Variants in MFSD1 observed in about 807,000 individuals in gnomAD.
MFSD1 encodes the protein major facilitator superfamily domain containing 1.
In MFSD1, 59 loss-of-function variants were observed where a neutral mutation model predicts 67.1. That is an observed-to-expected ratio of 0.88 (90% confidence interval 0.71 to 1.09). MFSD1 has a LOEUF of 1.09. Ranked by LOEUF, MFSD1 falls within the 50% of genes least tolerant of loss-of-function variation. MFSD1 has a pLI of 0.00. For missense variants in MFSD1, 552 were observed against 566.1 expected, an observed-to-expected ratio of 0.97 and a Z score of 0.25; for synonymous variants, 213 against 200.3, an observed-to-expected ratio of 1.06 and a Z score of -0.54.
intron 6 of MFSD1, among the ~76,000 whole-genome samples, chr3:158,813,056 T>C (rs1730117260): frequency 6.6e-6 from 1 of 152,090 alleles, no homozygotes; most frequent in Non-Finnish European, 1.5e-5. Context: ...TTTATTTCTT[T>C]CTTATTTTTT....
chr3:158,819,678 T>C lies in MFSD1; in HGVS notation c.682T>C (p.Cys228Arg). 2 of 1,603,662 alleles carry C rather than the reference T, an allele frequency of 1.2e-6. No individual in the cohort carries two copies. Among genetic ancestry groups the C allele is most frequent in the African/African-American group, 2.7e-5 (2 of 74,580 alleles). ...TATAACGTGTATTCTTTCACTAATC[T>C]GTGCCTTGGCTCTTGCCTACTTGGA... is the stretch of plus-strand genomic sequence containing the variant. Reference protein sequence around the residue: ...GGITCILSLICALALAYLDQR... With the variant: ...GGITCILSLIRALALAYLDQR... Residue 228 changes from cysteine (C) to arginine (R), a missense_variant, in exon 8 of 16, where the codon TGT becomes CGT. Coordinates refer to ENST00000415822, the MANE Select transcript of MFSD1 (RefSeq NM_022736.4).
At position 158,802,289 on chromosome 3, in the gene MFSD1, T is replaced by G. The variant is rs768078065; in HGVS notation, c.137T>G (p.Leu46Arg). 6.2e-7 allele frequency: 1 copy of G among 1,610,572 alleles called. No homozygotes were observed. The highest frequency in any genetic ancestry group is 1.7e-5 in the Admixed American group (1 of 59,614). The change falls in exon 1 of 16, where the codon CTG becomes CGG. Residue 46 changes from leucine (L) to arginine (R), a missense_variant. Leu to Arg is a moderately radical substitution (Grantham distance 102). Coordinates refer to ENST00000415822, the MANE Select transcript of MFSD1 (RefSeq NM_022736.4). ...CGCCTGGCGCACCGGCTTTTGGTGC[T>G]GTTACTGATGTGCTTCCTTGGCTTT... ...PSRLAHRLLV[L>R]LLMCFLGFGS...
chr3:158,817,655 A>G (rs892838504), intron 7 of MFSD1, among the ~76,000 whole-genome samples: 6 of 152,190 alleles, frequency 3.9e-5, no homozygotes, highest in Admixed American at 6.5e-5. Flanking sequence ...AATCAATATC[A>G]TGAAAATGGC....
chr3:158,828,002 G>A (rs559567906), intron 15 of MFSD1, among the ~76,000 whole-genome samples: 1 of 139,094 alleles, frequency 7.2e-6, no homozygotes, highest in African/African-American at 2.7e-5. Flanking sequence ...TATATTACTT[G>A]TAATTTATTG....
At position 158,823,450 on chromosome 3, in the gene MFSD1, C is replaced by T. The variant is rs1399534997; in HGVS notation, c.1100C>T (p.Ser367Leu). 1.2e-6 allele frequency: 2 copies of T among 1,613,530 alleles called. No homozygotes were observed. Among genetic ancestry groups the T allele is most frequent in the East Asian group, 4.5e-5 (2 of 44,878 alleles). Residue 367 changes from serine (S) to leucine (L), a missense_variant, in exon 12 of 16, where the codon TCA becomes TTA. By Grantham distance (145) the Ser-to-Leu change is moderately radical. Transcript: ENST00000415822. ...TAGTGTCTTCTGGGACTCTCCTACT[C>T]ATTGCTTGCCTGTGCATTGTGGCCA... ...IAMCLLGLSY[S>L]LLACALWPMV...
At position 158,802,783 on chromosome 3, in the gene MFSD1, C is replaced by T. The variant is rs191564066; in HGVS notation, c.163+468C>T. 2.0e-5 allele frequency among the ~76,000 whole-genome samples: 3 copies of T among 152,268 alleles called. No individual in the cohort carries two copies. In the East Asian group the frequency reaches 5.8e-4, roughly 29 times the overall value. Reference sequence around the variant, plus strand: ...TGTTGTGAAAGTGGCTTACTGCAGCCTCCACCTCCTGGGTTCAAGCAATCC... The same window carrying T: ...TGTTGTGAAAGTGGCTTACTGCAGCTTCCACCTCCTGGGTTCAAGCAATCC... On this transcript the variant is annotated intron_variant, in intron 1 of 15. Coordinates refer to ENST00000415822, the MANE Select transcript of MFSD1 (RefSeq NM_022736.4).
intron 6 of MFSD1, among the ~76,000 whole-genome samples, chr3:158,811,164 G>A (rs1374871602): frequency 2.0e-5 from 3 of 152,186 alleles, no homozygotes; most frequent in African/African-American, 7.2e-5. Context: ...AAAATATGTA[G>A]AGTGTGGGGG....
chr3:158,824,577 G>T lies in MFSD1; in HGVS notation c.1288+341G>T, dbSNP rs532858910. 2.4e-5 allele frequency: 4 copies of T among 167,826 alleles called. No homozygotes were observed. In the Admixed American group the frequency reaches 2.5e-4, roughly 10 times the overall value. The allele number at this position is 167,826 out of a possible 1,614,324, so 10.4% of individuals were successfully genotyped here. On this transcript the variant is annotated intron_variant, in intron 13 of 15. Coordinates refer to ENST00000415822, the MANE Select transcript of MFSD1 (RefSeq NM_022736.4). ...TGTGATTTAGGTGTGAGTACTCATGGTTATTCATTAGGCAGTTTTAACTGA... is the reference window on the plus strand; with the variant it reads ...TGTGATTTAGGTGTGAGTACTCATGTTTATTCATTAGGCAGTTTTAACTGA...
chr3:158,818,398 A>G (rs1730489585), intron 7 of MFSD1, among the ~76,000 whole-genome samples: 1 of 152,032 alleles, frequency 6.6e-6, no homozygotes, highest in East Asian at 1.9e-4. Flanking sequence ...TTTAATGTAT[A>G]ATCCCTTACT....
chr3:158,815,138 A>G (rs979859129), intron 7 of MFSD1, among the ~76,000 whole-genome samples: 1 of 152,216 alleles, frequency 6.6e-6, no homozygotes, highest in Non-Finnish European at 1.5e-5. Flanking sequence ...CGTCCATAGC[A>G]TAAGGGAGAA....
rs1199155912 is a variant in MFSD1 at position 158,829,660 on chromosome 3, C to T, written c.*678C>T. ...TTATAGTCTAATAAGTAAAAAGTGTCCTTCAAATTATGATAATTGCCTATG... is the reference window on the plus strand; with the variant it reads ...TTATAGTCTAATAAGTAAAAAGTGTTCTTCAAATTATGATAATTGCCTATG... On this transcript the variant is annotated 3_prime_UTR_variant, in exon 16 of 16. Coordinates refer to ENST00000415822, the MANE Select transcript of MFSD1 (RefSeq NM_022736.4). The T allele has an allele frequency of 2.0e-5, 3 of 152,160 alleles. No individual in the cohort carries two copies. The highest frequency in any genetic ancestry group is 7.2e-5 in the African/African-American group (3 of 41,436). 9.4% of individuals were successfully genotyped at this position (152,160 alleles called of 1,614,324 possible). A position where few individuals can be genotyped will look rare whatever the true frequency, so the allele number is the denominator to read the frequency against.
rs1458290218 is a variant in MFSD1, at chr3:158,822,085, C to T, written c.1022C>T (p.Thr341Ile). 8.7e-6 allele frequency: 14 copies of T among 1,613,866 alleles called. No homozygotes were observed. The African/African-American group carries it at 1.3e-4, about 15-fold the overall frequency. Reference sequence around the variant, plus strand: ...TGGGTTCTTTGCGCAGTAGCAGCCACTCTTGTGTCCCACATGATGCTGGCC... The same window carrying T: ...TGGGTTCTTTGCGCAGTAGCAGCCATTCTTGTGTCCCACATGATGCTGGCC... ...IIWVLCAVAA[T>I]LVSHMMLAFT... is the part of the protein sequence containing the mutation. The change falls in exon 11 of 16, where the codon ACT (threonine) becomes ATT (isoleucine). Residue 341 changes from threonine (T) to isoleucine (I), a missense_variant. Physicochemically the swap from Thr to Ile is moderately conservative, Grantham distance 89. Coordinates refer to ENST00000415822, the MANE Select transcript of MFSD1 (RefSeq NM_022736.4).
chr3:158,821,853 T>A lies in MFSD1; in HGVS notation c.921-131T>A, dbSNP rs565073418. Reference sequence around the variant, plus strand: ...AGAAGTCTTGAACTGCTTTTTATATTTTTTGATGAGCATTTTATAAGAATG... The same window carrying A: ...AGAAGTCTTGAACTGCTTTTTATATATTTTGATGAGCATTTTATAAGAATG... On this transcript the variant is annotated intron_variant, in intron 10 of 15. Coordinates refer to ENST00000415822, the MANE Select transcript of MFSD1 (RefSeq NM_022736.4). 6.2e-5 allele frequency: 69 copies of A among 1,109,272 alleles called. 1 individual carries two copies. In the African/African-American group the frequency reaches 9.4e-4, roughly 15 times the overall value. 68.7% of individuals were successfully genotyped at this position (1,109,272 alleles called of 1,614,324 possible). A position where few individuals can be genotyped will look rare whatever the true frequency, so the allele number is the denominator to read the frequency against.
rs1013654073 is a variant in MFSD1, at chr3:158,821,320, T to A, written c.864-277T>A. On this transcript the variant is annotated intron_variant, in intron 9 of 15. Transcript: ENST00000415822. ...TTTAAGGAAAAGAAGCAGCCTTAAGTCCCTGTGGTAGTATATTTGATTTTC... is the reference window on the plus strand; with the variant it reads ...TTTAAGGAAAAGAAGCAGCCTTAAGACCCTGTGGTAGTATATTTGATTTTC... Among the ~76,000 whole-genome samples the A allele has an allele frequency of 5.9e-5, 9 of 152,324 alleles. No homozygotes were observed. The South Asian group carries it at 1.9e-3, about 32-fold the overall frequency.
chr3:158,807,931 C>A (rs1157917721), intron 5 of MFSD1, among the ~76,000 whole-genome samples: 1 of 152,198 alleles, frequency 6.6e-6, no homozygotes, highest in Non-Finnish European at 1.5e-5. Context: ...AGTTGTTCTA[C>A]CTGAATTGCA....
At chr3:158,816,232 G>A (rs1351455297) in intron 7 of MFSD1, among the ~76,000 whole-genome samples, 16 of 152,252 alleles carry the variant, frequency 1.1e-4, no homozygotes, top group South Asian at 1.0e-3. Flanking sequence ...TCGCCACACC[G>A]ACTTCCACGA....
chr3:158,821,685 T>C (rs765412233), intron 10 of MFSD1, 32 bp downstream of exon 10: 2 of 1,536,404 alleles, frequency 1.3e-6, no homozygotes, highest in East Asian at 2.3e-5. Context: ...AAGTGCCTAT[T>C]GCATGTGAAG....
chr3:158,802,596 T>G, intron 1 of MFSD1: 2 of 680,574 alleles, frequency 2.9e-6, no homozygotes, highest in East Asian at 5.7e-5. Context: ...CGACTCGCCC[T>G]AGAGGCGATA....
intron 7 of MFSD1, among the ~76,000 whole-genome samples, chr3:158,817,684 T>G (rs1020071299): frequency 6.6e-6 from 1 of 152,118 alleles, no homozygotes; most frequent in Non-Finnish European, 1.5e-5. Context: ...CCAAGGTAGT[T>G]TATAGATTCA....
Sources: allele counts gnomAD v4.1 joint callset (sites outside exome capture counted in the v4.1 genomes callset), GRCh38; gene constraint gnomAD v4.1.1; transcripts MANE v1.5; gene names NCBI Gene and HGNC (gene_info 2026-07-23, HGNC 2026-07-21).